SLC4A8: variants seen among roughly 807,000 people sequenced by gnomAD.
SLC4A8 encodes solute carrier family 4 member 8.
In SLC4A8, 40 loss-of-function variants were observed where a neutral mutation model predicts 125.0. That is an observed-to-expected ratio of 0.32 (90% CI 0.25 to 0.42). The LOEUF is 0.42. Among genes scored for constraint, SLC4A8 ranks in the 10% least tolerant of loss-of-function variants. The pLI is 1.00. For synonymous variants in SLC4A8, 456 were observed against 476.0 expected, an observed-to-expected ratio of 0.96 and a Z score of 0.55; for missense variants, 863 against 1,355.1, an observed-to-expected ratio of 0.64 and a Z score of 5.70.
chr12:51,395,722 A>G (rs1396775307), intron 1 of SLC4A8, among the ~76,000 whole-genome samples: 1 of 152,144 alleles, frequency 6.6e-6, no homozygotes, highest in Admixed American at 6.5e-5. Flanking sequence ...CCTCTGTCCT[A>G]TCACTACCTC....
chr12:51,502,562 G>T (rs533761163), intron 22 of SLC4A8, among the ~76,000 whole-genome samples: 3 of 150,886 alleles, frequency 2.0e-5, no homozygotes, highest in Non-Finnish European at 4.4e-5. Flanking sequence ...ATGGAGTCTC[G>T]CTCTGTCGCC....
chr12:51,471,490 C>T lies in SLC4A8; in HGVS notation c.1862C>T (p.Pro621Leu). The change falls in exon 14 of 25, where the codon CCC becomes CTC. Residue 621 changes from proline to leucine, a missense_variant. By Grantham distance (98) the Pro-to-Leu change is moderately conservative. This residue lies in a region of SLC4A8 where 76 missense variants were observed against 80.2 expected (regional missense o/e 0.95). Coordinates refer to ENST00000453097, the MANE Select transcript of SLC4A8 (RefSeq NM_001039960.3). ...CTGATTCACCTGGCAGAGACCTACC[C>T]CATCCACATGCACAGCCAGCTGGAC... ...EKLIHLAETY[P>L]IHMHSQLDHL... is the part of the protein sequence containing the mutation. 6.2e-7 allele frequency: 1 copy of T among 1,614,188 alleles called. No homozygotes were observed. The highest frequency in any genetic ancestry group is 8.5e-7 in the Non-Finnish European group (1 of 1,180,002).
chr12:51,479,598 G>C (rs550299693), intron 16 of SLC4A8, among the ~76,000 whole-genome samples: 13 of 150,572 alleles, frequency 8.6e-5, no homozygotes, highest in Non-Finnish European at 1.8e-4. Flanking sequence ...CACGAGAATT[G>C]CTTGAGCCCA....
intron 1 of SLC4A8, among the ~76,000 whole-genome samples, chr12:51,399,127 T>G (rs1211336719): frequency 2.0e-5 from 3 of 152,222 alleles, no homozygotes; most frequent in Admixed American, 1.3e-4. Context: ...AATATTACTT[T>G]GGATTGTAAG....
chr12:51,460,250 G>T (rs1008785996), intron 8 of SLC4A8, 142 bp downstream of exon 8: 2 of 745,470 alleles, frequency 2.7e-6, no homozygotes, highest in Non-Finnish European at 4.6e-6. Context: ...AGCCAGATGT[G>T]CTGGTGTGTG....
intron 19 of SLC4A8, among the ~76,000 whole-genome samples, chr12:51,491,920 G>A (rs933717415): frequency 6.6e-6 from 1 of 152,174 alleles, no homozygotes; most frequent in African/African-American, 2.4e-5. Flanking sequence ...TCTTATCAGA[G>A]AAGGAATTCA....
At chr12:51,501,149 A>G (rs1937864985) in intron 22 of SLC4A8, among the ~76,000 whole-genome samples, 1 of 152,126 alleles carries the variant, frequency 6.6e-6, no homozygotes, top group African/African-American at 2.4e-5. Context: ...CTAAGAAAAC[A>G]TTTTATTATG....
chr12:51,457,885 G>A (rs1383720529), intron 6 of SLC4A8, among the ~76,000 whole-genome samples: 1 of 152,160 alleles, frequency 6.6e-6, no homozygotes, highest in African/African-American at 2.4e-5. Context: ...TCTTAGATTA[G>A]GGAGGCAAAA....
At chr12:51,454,339 C>T (rs572690726) in intron 5 of SLC4A8, among the ~76,000 whole-genome samples, 11 of 151,150 alleles carry the variant, frequency 7.3e-5, no homozygotes, top group African/African-American at 1.2e-4. Context: ...TAAGGTGGGA[C>T]GAGAGATTTG....
rs575843400 is a variant in SLC4A8 at position 51,463,546 on chromosome 12, C to T, written c.1249-68C>T. 9.5e-5 allele frequency: 118 copies of T among 1,240,910 alleles called. No individual in the cohort carries two copies. The African/African-American group carries it at 1.2e-3, about 13-fold the overall frequency. 76.9% of individuals were successfully genotyped at this position (1,240,910 alleles called of 1,614,324 possible). On this transcript the variant is annotated intron_variant, in intron 10 of 24. Coordinates refer to ENST00000453097, the MANE Select transcript of SLC4A8 (RefSeq NM_001039960.3). ...TTGCTTTTGGGTTATCCCATTCCCA[C>T]TCCCTGCTGATAGCAGGACGAAAAG...
intron 1 of SLC4A8, 136 bp downstream of exon 1, chr12:51,425,171 G>T: frequency 1.4e-6 from 2 of 1,430,776 alleles, no homozygotes; most frequent in Non-Finnish European, 1.8e-6. Flanking sequence ...GCCAGCCCGG[G>T]ACACCAGGGG....
chr12:51,449,876 A>C (rs535482951), intron 2 of SLC4A8, among the ~76,000 whole-genome samples: 1 of 152,274 alleles, frequency 6.6e-6, no homozygotes, highest in South Asian at 2.1e-4. Flanking sequence ...AAAAAATTGA[A>C]AAATTAGCTG....
At chr12:51,425,377 A>T in intron 1 of SLC4A8, 1 of 1,139,444 alleles carries the variant, frequency 8.8e-7, no homozygotes, top group Non-Finnish European at 1.1e-6. Context: ...TTGTCCTGCC[A>T]GAACGTGGGC....
chr12:51,488,764 A>T lies in SLC4A8; in HGVS notation c.2352A>T (p.Ile784=). 6.2e-7 allele frequency: 1 copy of T among 1,613,800 alleles called. No homozygotes were observed. The highest frequency in any genetic ancestry group is 8.5e-7 in the Non-Finnish European group (1 of 1,179,704). The change falls in exon 18 of 25, where the codon ATA becomes ATT. Residue 784 remains isoleucine, a synonymous_variant. Coordinates refer to ENST00000453097, the MANE Select transcript of SLC4A8 (RefSeq NM_001039960.3). Reference sequence around the variant, plus strand: ...GCCCCAATCCCTGGTGGACTGTGATAGCTGCAATTATCCCAGCTCTTCTCT... The same window carrying T: ...GCCCCAATCCCTGGTGGACTGTGATTGCTGCAATTATCCCAGCTCTTCTCT... ...PIGPNPWWTV[I]AAIIPALLCT...
At chr12:51,483,944 T>C (rs1221806116) in intron 16 of SLC4A8, among the ~76,000 whole-genome samples, 2 of 152,064 alleles carry the variant, frequency 1.3e-5, no homozygotes. Flanking sequence ...TGTGTCCAAG[T>C]GTTCTCATTG....
chr12:51,435,921 G>T (rs1949393077), intron 1 of SLC4A8, among the ~76,000 whole-genome samples: 1 of 152,066 alleles, frequency 6.6e-6, no homozygotes, highest in Admixed American at 6.6e-5. Context: ...TTACAAAATG[G>T]TATTTTAAGA....
intron 21 of SLC4A8, 63 bp downstream of exon 21, chr12:51,495,181 A>G: frequency 7.2e-7 from 1 of 1,386,808 alleles, no homozygotes; most frequent in Non-Finnish European, 9.9e-7. Flanking sequence ...GTAAAATATT[A>G]TAACTTTAAA....
chr12:51,458,633 C>A lies in SLC4A8; in HGVS notation c.838C>A (p.Pro280Thr), dbSNP rs962403814. Residue 280 changes from proline to threonine, a missense_variant, in exon 7 of 25, where the codon CCT becomes ACT. Coordinates refer to ENST00000453097, the MANE Select transcript of SLC4A8 (RefSeq NM_001039960.3). ...AAATGGAGTGAATTGTGAACATAGT[C>A]CTGTGGATTTAAGCAAGGTGAGCAG... ...VKNGVNCEHSPVDLSKVDLHF... is the reference protein window; with the variant it reads ...VKNGVNCEHSTVDLSKVDLHF... 8 of 1,613,188 alleles carry A rather than the reference C, an allele frequency of 5.0e-6. No individual in the cohort carries two copies. The highest frequency in any genetic ancestry group is 6.8e-6 in the Non-Finnish European group (8 of 1,179,182).
At chr12:51,419,161 C>T (rs976421459) in intron 1 of SLC4A8, among the ~76,000 whole-genome samples, 2 of 152,200 alleles carry the variant, frequency 1.3e-5, no homozygotes, top group Non-Finnish European at 2.9e-5. Flanking sequence ...CCCAGCTCTG[C>T]TATTAACTGC....
Sources: gnomAD v4.1 joint callset for allele counts (sites outside exome capture counted in the v4.1 genomes callset) on GRCh38, gnomAD v4.1.1 for gene constraint, gnomAD v4.1.1 regional missense constraint, MANE v1.5 for transcripts, NCBI Gene and HGNC (gene_info 2026-07-23, HGNC 2026-07-21) for gene names.